USP2: variants seen among roughly 807,000 people sequenced by gnomAD.
USP2 encodes ubiquitin specific peptidase 2, also known as ubiquitin carboxyl-terminal hydrolase 2.
A neutral mutation model predicts 72.0 loss-of-function variants in USP2; 33 were observed. That is an observed-to-expected ratio of 0.46 (90% confidence interval 0.35 to 0.61). The LOEUF (loss-of-function observed/expected upper bound fraction) is 0.61, where lower values mean the gene tolerates loss of function less well. USP2 is among the 20% of genes least tolerant of loss of function. USP2 has a pLI of 0.01. For missense variants in USP2, 691 were observed against 797.8 expected, an observed-to-expected ratio of 0.87 and a Z score of 1.61; for synonymous variants, 296 against 312.5, an observed-to-expected ratio of 0.95 and a Z score of 0.56.
In USP2 at chr11:119,372,783, C is replaced by A; in HGVS notation, c.698G>T (p.Arg233Leu). 1 of 1,591,650 alleles carries A rather than the reference C, an allele frequency of 6.3e-7. No individual in the cohort carries two copies. The highest frequency in any genetic ancestry group is 1.2e-5 in the South Asian group (1 of 86,460). ...CTTTCCCGTCTCCCACAGCGTGTAG[C>A]GGCCAATGGGTCGGTAGGTTGGGCT... is the stretch of plus-strand genomic sequence containing the variant. ...IISPTYRPIG[R>L]YTLWETGKGQ... Residue 233 changes from arginine to leucine, a missense_variant, in exon 2 of 13, where the codon CGC becomes CTC. Physicochemically the swap from Arg to Leu is moderately radical, Grantham distance 102 (BLOSUM62 -2). Coordinates refer to ENST00000260187, the MANE Select transcript of USP2 (RefSeq NM_004205.5).
intron 2 of USP2, among the ~76,000 whole-genome samples, chr11:119,361,219 C>T (rs868250054): frequency 2.0e-5 from 3 of 152,190 alleles, no homozygotes; most frequent in Non-Finnish European, 2.9e-5. Flanking sequence ...AGATTGGGCC[C>T]GCAGAGGCAA....
chr11:119,367,680 G>A (rs549469215), intron 2 of USP2, among the ~76,000 whole-genome samples: 1 of 152,298 alleles, frequency 6.6e-6, no homozygotes, highest in African/African-American at 2.4e-5. Flanking sequence ...GTGCACCTTT[G>A]AGCCCAGGCA....
rs767283662 is a variant in USP2, at chr11:119,373,398, C to T, written c.83G>A (p.Gly28Asp). The change falls in exon 2 of 13, where the codon GGT (glycine) becomes GAT (aspartate). Residue 28 changes from glycine to aspartate, a missense_variant. Coordinates refer to ENST00000260187, the MANE Select transcript of USP2 (RefSeq NM_004205.5). ...TDAHYAKSGY[G>D]AYTPSSYGAN... ...CCCATAGGAGGACGGGGTGTAGGCA[C>T]CATAGCCCGACTTGGCATAGTGGGC... 3.7e-6 allele frequency: 6 copies of T among 1,608,038 alleles called. No homozygotes were observed. The highest frequency in any genetic ancestry group is 5.1e-6 in the Non-Finnish European group (6 of 1,179,956).
chr11:119,357,087 T>C, intron 12 of USP2, 100 bp downstream of exon 12: 1 of 751,318 alleles, frequency 1.3e-6, no homozygotes, highest in South Asian at 3.4e-5. Flanking sequence ...GTGTAAGCCG[T>C]GCGGGGGGTG....
chr11:119,357,924 CTCT>C, intron 9 of USP2, 54 bp downstream of exon 9: 1 of 1,613,586 alleles, frequency 6.2e-7, no homozygotes, highest in Non-Finnish European at 8.5e-7. Flanking sequence ...TGGTATCAGC[CTCT>C]TCCCAGTAGG....
At chr11:119,379,161 C>G in intron 1 of USP2, 1 of 985,464 alleles carries the variant, frequency 1.0e-6, no homozygotes, top group African/African-American at 1.7e-5. Flanking sequence ...CTTATCTGAC[C>G]TCGCAGACTC....
At chr11:119,368,106 A>G (rs1035431274) in intron 2 of USP2, among the ~76,000 whole-genome samples, 11 of 152,314 alleles carry the variant, frequency 7.2e-5, no homozygotes, top group Non-Finnish European at 1.2e-4. Flanking sequence ...TGTCTTGCTG[A>G]TTCTAGTCAC....
intron 2 of USP2, among the ~76,000 whole-genome samples, chr11:119,367,307 G>T (rs1229588239): frequency 6.6e-6 from 1 of 152,200 alleles, no homozygotes; most frequent in Non-Finnish European, 1.5e-5. Flanking sequence ...ATCCTTCCTG[G>T]CATGAGATGG....
At position 119,379,728 on chromosome 11, in the gene USP2, T is replaced by A. The variant is rs117591717; in HGVS notation, c.-42+1745A>T. Among the ~76,000 whole-genome samples, 702 of 152,280 alleles carry A rather than the reference T, an allele frequency of 4.6e-3. 13 individuals carry two copies. The highest frequency in any genetic ancestry group is 0.04 in the East Asian group (210 of 5,186). ...CTAATAGTAATAATAGTGGTCTATC[T>A]CAGTTGTGAGGATTAAATAAAATAA... On this transcript the variant is annotated intron_variant, in intron 1 of 12. Transcript: ENST00000260187.
chr11:119,360,351 T>G (rs1260314503), intron 2 of USP2, 117 bp from the exon 3 acceptor site: 2 of 1,020,702 alleles, frequency 2.0e-6, no homozygotes, highest in Admixed American at 3.9e-5. Flanking sequence ...CACATAATAT[T>G]CTTTCTTCAA....
intron 2 of USP2, among the ~76,000 whole-genome samples, chr11:119,368,728 A>G (rs113309933): frequency 0.019 from 2,866 of 152,342 alleles, 92 homozygotes; most frequent in African/African-American, 0.063. Flanking sequence ...TCTGAGCCTC[A>G]GCCCTGGCTC....
Position 119,373,107 on chromosome 11 carries a change from A to G in USP2, c.374T>C (p.Leu125Pro). The G allele has an allele frequency of 6.2e-7, 1 of 1,614,116 alleles. No homozygotes were observed. Among genetic ancestry groups the G allele is most frequent in the Middle Eastern group, 1.6e-4 (1 of 6,062 alleles). ...CCCCTGGTCATAGGCATTGATGGGC[A>G]GGTAGCTGAGGCAGTTGTTGGTCAC... Reference protein sequence around the residue: ...YGVTNNCLSYLPINAYDQGVT... With the variant: ...YGVTNNCLSYPPINAYDQGVT... Residue 125 changes from leucine to proline, a missense_variant, in exon 2 of 13, where the codon CTG becomes CCG. By Grantham distance (98) the Leu-to-Pro change is moderately conservative (BLOSUM62 -3). Transcript: ENST00000260187.
At chr11:119,377,114 G>T (rs1466921826) in intron 1 of USP2, among the ~76,000 whole-genome samples, 1 of 152,168 alleles carries the variant, frequency 6.6e-6, no homozygotes, top group Non-Finnish European at 1.5e-5. Context: ...CTGCACTAAG[G>T]CTTGGGACAC....
chr11:119,368,676 G>T (rs1173387184), intron 2 of USP2, among the ~76,000 whole-genome samples: 1 of 152,240 alleles, frequency 6.6e-6, no homozygotes, highest in Non-Finnish European at 1.5e-5. Flanking sequence ...GAGGGCAAGG[G>T]TGTGGAAGAG....
At chr11:119,371,207 C>T (rs1731735750) in intron 2 of USP2, among the ~76,000 whole-genome samples, 1 of 152,098 alleles carries the variant, frequency 6.6e-6, no homozygotes, top group Admixed American at 6.5e-5. Flanking sequence ...CACTGCTGAC[C>T]ATGAAACAAC....
At chr11:119,364,824 A>ACTT (rs1950829717) in intron 2 of USP2, among the ~76,000 whole-genome samples, 2 of 152,110 alleles carry the variant, frequency 1.3e-5, no homozygotes, top group African/African-American at 4.8e-5. Flanking sequence ...ATGTTTTATA[A>ACTT]GGTCCAATAG....
At position 119,357,235 on chromosome 11, in the gene USP2, T is replaced by C; in HGVS notation, c.1682A>G (p.Tyr561Cys). The C allele has an allele frequency of 6.2e-7, 1 of 1,613,426 alleles. No individual in the cohort carries two copies. The highest frequency in any genetic ancestry group is 1.1e-5 in the South Asian group (1 of 91,056). Reference sequence around the variant, plus strand: ...TTCTCCTGTCCCTGGACTGCGACAGTAGGCTGTATAGTGGCCACCCATGGT... The same window carrying C: ...TTCTCCTGTCCCTGGACTGCGACAGCAGGCTGTATAGTGGCCACCCATGGT... ...GTTMGGHYTAYCRSPGTGEWH... is the reference protein window; with the variant it reads ...GTTMGGHYTACCRSPGTGEWH... The change falls in exon 12 of 13, where the codon TAC becomes TGC. Residue 561 changes from tyrosine (Y) to cysteine (C), a missense_variant. Coordinates refer to ENST00000260187, the MANE Select transcript of USP2 (RefSeq NM_004205.5).
At position 119,359,163 on chromosome 11, in the gene USP2, C is replaced by T. The variant is rs370394270; in HGVS notation, c.1062-29G>A. 37 of 1,613,122 alleles carry T rather than the reference C, an allele frequency of 2.3e-5. No individual in the cohort carries two copies. The African/African-American group carries it at 3.7e-4, about 16-fold the overall frequency. On this transcript the variant is annotated intron_variant, in intron 5 of 12. Transcript: ENST00000260187. ...AACCCAAAGGAAGGAGGGTGAGCAACACCTCTTGTCCTAAGAACCTGCTCC... is the reference window on the plus strand; with the variant it reads ...AACCCAAAGGAAGGAGGGTGAGCAATACCTCTTGTCCTAAGAACCTGCTCC...
At chr11:119,376,342 T>A (rs1001265086) in intron 1 of USP2, 16 of 985,468 alleles carry the variant, frequency 1.6e-5, no homozygotes, top group Non-Finnish European at 1.9e-5. Flanking sequence ...TGGCTGCGAG[T>A]CTCCCTGTTG....
Sources: allele counts gnomAD v4.1 joint callset (sites outside exome capture counted in the v4.1 genomes callset), GRCh38; gene constraint gnomAD v4.1.1; transcripts MANE v1.5; gene names NCBI Gene and HGNC (gene_info 2026-07-23, HGNC 2026-07-21).